FAAH2: variants seen among roughly 807,000 people sequenced by gnomAD.
The protein encoded by FAAH2 is fatty-acid amide hydrolase 2.
A neutral mutation model predicts 36.9 loss-of-function variants in FAAH2; 60 were observed. That is an observed-to-expected ratio of 1.63 (90% confidence interval 1.32 to 2.02). The LOEUF (loss-of-function observed/expected upper bound fraction) is 2.02, where lower values mean the gene tolerates loss of function less well. Among genes scored for constraint, FAAH2 ranks in the 30% most tolerant of loss-of-function variants. The pLI is 0.00. For missense variants in FAAH2, 689 were observed against 397.5 expected (o/e 1.73, Z -6.23); for synonymous variants, 214 against 143.8 (o/e 1.49, Z -3.49).
the FAAH2 span, chrX:57,137,057 C>A: frequency 1.2e-6 from 1 of 815,204 alleles, no homozygotes; most frequent in Non-Finnish European, 1.5e-6. Context: ...CCTTCAAATC[C>A]TTGTCTGGCT....
At chrX:57,222,019 C>T in the FAAH2 span, among the ~76,000 whole-genome samples, 5 of 111,060 alleles carry the variant, frequency 4.5e-5, no homozygotes, top group Non-Finnish European at 9.4e-5. Flanking sequence ...TCCCAAAATG[C>T]GAGTATTAGG....
chrX:57,386,158 T>A (rs2055018323), intron 7 of FAAH2, among the ~76,000 whole-genome samples: 1 of 111,204 alleles, frequency 9.0e-6, no homozygotes, highest in Admixed American at 9.6e-5. Context: ...GCTTCACATA[T>A]CTGAATTAAT....
the FAAH2 span, among the ~76,000 whole-genome samples, chrX:57,224,531 G>T: frequency 9.0e-6 from 1 of 111,409 alleles, no homozygotes; most frequent in South Asian, 3.9e-4. Context: ...AGGGCCACTT[G>T]TGTCAGCAGT....
the FAAH2 span, among the ~76,000 whole-genome samples, chrX:57,173,917 C>A: frequency 9.0e-6 from 1 of 111,011 alleles, no homozygotes; most frequent in Non-Finnish European, 1.9e-5. Flanking sequence ...TGGGATGAAA[C>A]CCAATTTATC....
At chrX:57,456,250 A>G (rs1424833088) in intron 10 of FAAH2, among the ~76,000 whole-genome samples, 2 of 112,205 alleles carry the variant, frequency 1.8e-5, no homozygotes, top group Non-Finnish European at 3.8e-5. Flanking sequence ...TTTGAAATTA[A>G]TGAAATAGGA....
At chrX:57,408,749 T>A (rs747872904) in intron 7 of FAAH2, among the ~76,000 whole-genome samples, 1 of 111,157 alleles carries the variant, frequency 9.0e-6, no homozygotes, top group Admixed American at 9.6e-5. Flanking sequence ...CTGTACTTAA[T>A]TTGTTGAGAG....
chrX:57,124,776 A>G, the FAAH2 span, among the ~76,000 whole-genome samples: 1 of 111,717 alleles, frequency 9.0e-6, no homozygotes, highest in African/African-American at 3.3e-5. Flanking sequence ...GTTGTGAATG[A>G]GAGTTCACTC....
chrX:57,295,354 A>T (rs1172050424), intron 2 of FAAH2, among the ~76,000 whole-genome samples: 1 of 111,730 alleles, frequency 9.0e-6, no homozygotes, highest in Admixed American at 9.5e-5. Flanking sequence ...AAACCCCTTC[A>T]CCTCTTTTCT....
Position 57,287,004 on chromosome X carries a change from T to A in FAAH2, c.179T>A (p.Ile60Asn). 1 of 1,188,228 alleles carries A rather than the reference T, an allele frequency of 8.4e-7. No homozygotes were observed. The highest frequency in any genetic ancestry group is 1.9e-5 in the South Asian group (1 of 53,255). Residue 60 changes from isoleucine (I) to asparagine (N), a missense_variant, in exon 1 of 11, where the codon ATC becomes AAC. Ile to Asn is a moderately radical substitution (Grantham distance 149). Coordinates refer to ENST00000374900, the MANE Select transcript of FAAH2 (RefSeq NM_174912.4). The part of the protein sequence containing the change: ...LLSGMQLAKL[I>N]RQRKVKCIDV... ...TCGGGGATGCAGCTGGCCAAGCTGA[T>A]CCGACAGAGAAAGGTGAGAATGCAA...
intron 10 of FAAH2, among the ~76,000 whole-genome samples, chrX:57,450,251 A>G (rs956322125): frequency 3.7e-5 from 4 of 109,514 alleles, no homozygotes; most frequent in Non-Finnish European, 5.7e-5. Context: ...ATGATAGATG[A>G]TAGCTGCAAT....
chrX:57,253,315 G>A, the FAAH2 span, among the ~76,000 whole-genome samples: 1 of 111,292 alleles, frequency 9.0e-6, no homozygotes, highest in Admixed American at 9.5e-5. Context: ...AAAGTAATGG[G>A]GAGAATGGAA....
Position 57,481,557 on chromosome X carries a change from A to G in FAAH2, c.1424-7200A>G, listed in dbSNP as rs1387762383. Among the ~76,000 whole-genome samples, 9 of 112,034 alleles carry G rather than the reference A, an allele frequency of 8.0e-5. No individual in the cohort carries two copies. In the East Asian group the frequency reaches 2.5e-3, roughly 32 times the overall value. ...CAATCCAGACCCTGTTCTCCTGGGT[A>G]TCACCAGTGGAGGCTGTAGAACAGC... On this transcript the variant is annotated intron_variant, in intron 10 of 10. Coordinates refer to ENST00000374900, the MANE Select transcript of FAAH2 (RefSeq NM_174912.4).
chrX:57,271,672 G>A, the FAAH2 span, among the ~76,000 whole-genome samples: 1 of 112,049 alleles, frequency 8.9e-6, no homozygotes, highest in African/African-American at 3.2e-5. Context: ...GCAGCAGAGG[G>A]GCCTGACTGT....
the FAAH2 span, among the ~76,000 whole-genome samples, chrX:57,154,300 T>C: frequency 4.7e-5 from 5 of 106,986 alleles, no homozygotes; most frequent in African/African-American, 1.7e-4. Flanking sequence ...AGTCTCACTT[T>C]GTCACCCAGG....
the FAAH2 span, among the ~76,000 whole-genome samples, chrX:57,224,760 G>A: frequency 1.1e-3 from 121 of 112,302 alleles, 1 homozygote; most frequent in Non-Finnish European, 1.4e-3. Context: ...TTAGGCCTCA[G>A]CCCGCCTGCA....
intron 2 of FAAH2, 33 bp from the exon 3 acceptor site, chrX:57,310,555 TGTTTA>T (rs1287689428): frequency 8.5e-7 from 1 of 1,172,660 alleles, no homozygotes; most frequent in Non-Finnish European, 1.1e-6. Flanking sequence ...TTGGATGACT[TGTTTA>T]GTTAAAGTTT....
In FAAH2 at chrX:57,378,928, T is replaced by G. The variant is rs1249712220; in HGVS notation, c.878+142T>G. ...TTATGAGAGAGCCTTTATATACTTA[T>G]ATAAGTGGATACCATGCTTCACAAA... On this transcript the variant is annotated intron_variant, in intron 6 of 10. Transcript: ENST00000374900. 3 of 645,841 alleles carry G rather than the reference T, an allele frequency of 4.6e-6. No homozygotes were observed. In the Admixed American group the frequency reaches 1.2e-4, roughly 26 times the overall value. 53.2% of individuals were successfully genotyped at this position (645,841 alleles called of 1,213,427 possible). A position where few individuals can be genotyped will look rare whatever the true frequency, so the allele number is the denominator to read the frequency against.
At chrX:57,175,242 A>G in the FAAH2 span, among the ~76,000 whole-genome samples, 3 of 111,133 alleles carry the variant, frequency 2.7e-5, no homozygotes, top group Admixed American at 2.9e-4. Flanking sequence ...TGTTTTATGA[A>G]CCTAGGAGCT....
At chrX:57,297,494 A>G (rs1348785142) in intron 2 of FAAH2, among the ~76,000 whole-genome samples, 1 of 101,597 alleles carries the variant, frequency 9.8e-6, no homozygotes, top group Non-Finnish European at 2.0e-5. Context: ...AGCCACTGCA[A>G]AAACCTGCCA....
Sources: allele counts gnomAD v4.1 joint callset (sites outside exome capture counted in the v4.1 genomes callset), GRCh38; gene constraint gnomAD v4.1.1; transcripts MANE v1.5; gene names NCBI Gene and HGNC (gene_info 2026-07-23, HGNC 2026-07-21).